The following TNS1 variants were observed in gnomAD, a reference collection of about 807,000 sequenced individuals.
The protein encoded by TNS1 is tensin 1.
In TNS1, 62 loss-of-function variants were observed where a neutral mutation model predicts 168.6. The ratio of observed to expected loss-of-function variants is 0.37; its 90% CI spans 0.30 to 0.45. The LOEUF is 0.45. TNS1 is among the 20% of genes least tolerant of loss of function. The pLI, the probability that TNS1 is intolerant of heterozygous loss-of-function variation, is 1.00. For missense variants in TNS1, 2,240 were observed against 2,339.4 expected (o/e 0.96, Z 0.88); for synonymous variants, 934 against 933.2 (o/e 1.00, Z -0.02).
At chr2:217,824,233 C>A (rs1252421717) in intron 22 of TNS1, among the ~76,000 whole-genome samples, 1 of 152,190 alleles carries the variant, frequency 6.6e-6, no homozygotes, top group African/African-American at 2.4e-5. Context: ...CCTGATCTAA[C>A]CTATCTCCTC....
At chr2:218,008,390 G>A (rs974041751) in intron 1 of TNS1, among the ~76,000 whole-genome samples, 3 of 152,156 alleles carry the variant, frequency 2.0e-5, no homozygotes, top group Admixed American at 6.5e-5. Context: ...CTCTACCTCC[G>A]CAAATGGGGA....
chr2:217,949,534 G>A (rs1464698028), intron 3 of TNS1, among the ~76,000 whole-genome samples: 4 of 152,210 alleles, frequency 2.6e-5, no homozygotes, highest in Non-Finnish European at 5.9e-5. Flanking sequence ...GGAAGGTGTT[G>A]GCAGGATCCC....
At chr2:217,996,534 C>G (rs1958473836) in intron 1 of TNS1, among the ~76,000 whole-genome samples, 1 of 152,056 alleles carries the variant, frequency 6.6e-6, no homozygotes, top group African/African-American at 2.4e-5. Context: ...TGTTCTTGGC[C>G]TGACCATGTT....
chr2:217,905,121 A>G (rs938410545), intron 6 of TNS1, among the ~76,000 whole-genome samples: 2 of 152,328 alleles, frequency 1.3e-5, no homozygotes. Flanking sequence ...AGAATGGCTT[A>G]CATTTATTGA....
chr2:217,984,270 C>T (rs576226284), intron 2 of TNS1, among the ~76,000 whole-genome samples: 4 of 152,236 alleles, frequency 2.6e-5, no homozygotes, highest in East Asian at 1.9e-4. Context: ...AGGGGATGGT[C>T]GGGGGACATG....
At chr2:217,990,460 T>C (rs1354498314) in intron 2 of TNS1, among the ~76,000 whole-genome samples, 4 of 102,602 alleles carry the variant, frequency 3.9e-5, no homozygotes, top group Non-Finnish European at 8.2e-5. Flanking sequence ...CACACACCCT[T>C]CAAACACATC....
chr2:217,915,632 C>G (rs1200219519), intron 4 of TNS1, among the ~76,000 whole-genome samples: 1 of 152,182 alleles, frequency 6.6e-6, no homozygotes, highest in Non-Finnish European at 1.5e-5. Flanking sequence ...GAGAAGCTAG[C>G]TGTTTAGAAA....
chr2:218,007,501 ATGT>A (rs1414990669), upstream of TNS1, among the ~76,000 whole-genome samples: 4 of 130,450 alleles, frequency 3.1e-5, no homozygotes, highest in Non-Finnish European at 6.1e-5. Flanking sequence ...CTATGCTTCC[ATGT>A]TGTGGTGACA....
chr2:217,871,812 C>T (rs1481033385), intron 18 of TNS1, among the ~76,000 whole-genome samples: 3 of 152,288 alleles, frequency 2.0e-5, no homozygotes, highest in African/African-American at 7.2e-5. Flanking sequence ...GAAGGCAGAA[C>T]TCATGGGCTT....
At chr2:217,857,390 A>G (rs906482911) in intron 18 of TNS1, among the ~76,000 whole-genome samples, 5 of 152,144 alleles carry the variant, frequency 3.3e-5, no homozygotes, top group African/African-American at 4.8e-5. Context: ...CTCCCTATTC[A>G]GTGCTCTTGT....
At chr2:217,980,335 CCA>C (rs1958011542) in intron 2 of TNS1, among the ~76,000 whole-genome samples, 1 of 152,136 alleles carries the variant, frequency 6.6e-6, no homozygotes, top group African/African-American at 2.4e-5. Flanking sequence ...TCCCTCAGCA[CCA>C]CCACCAGCCC....
At chr2:218,016,016 T>C (rs1574481892) in intron 1 of TNS1, among the ~76,000 whole-genome samples, 1 of 134,828 alleles carries the variant, frequency 7.4e-6, no homozygotes, top group African/African-American at 2.8e-5. Context: ...GTGAGATGAA[T>C]GGAAAGTGCA....
At chr2:218,027,351 C>T (rs531466088) in intron 1 of TNS1, among the ~76,000 whole-genome samples, 1 of 152,172 alleles carries the variant, frequency 6.6e-6, no homozygotes, top group East Asian at 1.9e-4. Context: ...TCGTTCCCAG[C>T]TTCTGATCCT....
intron 20 of TNS1, 101 bp from the exon 21 acceptor site, chr2:217,835,267 C>A: frequency 1.8e-6 from 2 of 1,100,394 alleles, no homozygotes; most frequent in Non-Finnish European, 2.6e-6. Flanking sequence ...AACCAGCCCC[C>A]ACATCCCCTC....
chr2:217,907,512 G>T (rs1284910545), intron 4 of TNS1, among the ~76,000 whole-genome samples: 1 of 152,198 alleles, frequency 6.6e-6, no homozygotes, highest in Non-Finnish European at 1.5e-5. Flanking sequence ...CCGGCGCCAG[G>T]CCTCTGGTTC....
chr2:217,989,238 A>T (rs1475623364), intron 2 of TNS1, among the ~76,000 whole-genome samples: 5 of 152,104 alleles, frequency 3.3e-5, no homozygotes, highest in Admixed American at 2.0e-4. Flanking sequence ...TGTCTTGGGG[A>T]TTGTGAGGGA....
At chr2:217,841,281 G>A (rs1004069752) in intron 19 of TNS1, 7 of 984,940 alleles carry the variant, frequency 7.1e-6, no homozygotes, top group Non-Finnish European at 8.4e-6. Context: ...GCCTGGCGTT[G>A]TACGCTGCCC....
intron 8 of TNS1, among the ~76,000 whole-genome samples, chr2:217,896,937 TG>T (rs1031760591): frequency 4.0e-4 from 61 of 152,232 alleles, no homozygotes; most frequent in African/African-American, 1.3e-3. Flanking sequence ...TTATTTGTAT[TG>T]TTTTTTATTG....
chr2:217,810,188 C>T (rs376544960), intron 29 of TNS1, 60 bp downstream of exon 29: 1,136 of 1,584,896 alleles, frequency 7.2e-4, no homozygotes, highest in Non-Finnish European at 9.4e-4. Flanking sequence ...CAGGAGGGGT[C>T]AGGGCAGGAA....
Sources: allele counts gnomAD v4.1 joint callset (sites outside exome capture counted in the v4.1 genomes callset), GRCh38; gene constraint gnomAD v4.1.1; transcripts MANE v1.5; gene names NCBI Gene and HGNC (gene_info 2026-07-23, HGNC 2026-07-21).